The following GREB1L variants were observed in gnomAD, a reference collection of about 807,000 sequenced individuals.
The protein encoded by GREB1L is GREB1 like retinoic acid receptor coactivator.
In GREB1L, 17 loss-of-function variants were observed where a neutral mutation model predicts 200.8. The ratio of observed to expected loss-of-function variants is 0.08; its 90% CI spans 0.06 to 0.13. The LOEUF is 0.13. Ranked by LOEUF, GREB1L falls within the 10% of genes least tolerant of loss-of-function variation. The pLI, the probability that GREB1L is intolerant of heterozygous loss-of-function variation, is 1.00. For synonymous variants in GREB1L, 789 were observed against 893.0 expected (o/e 0.88, Z 2.08); for missense variants, 1,657 against 2,367.7 (o/e 0.70, Z 6.23).
chr18:21,281,418 C>T (rs2038267284), intron 1 of GREB1L, among the ~76,000 whole-genome samples: 1 of 152,084 alleles, frequency 6.6e-6, no homozygotes. Flanking sequence ...CTTTAAAAAC[C>T]TCTTTACTAT....
chr18:21,273,047 C>T (rs1598620523), intron 1 of GREB1L, among the ~76,000 whole-genome samples: 1 of 151,940 alleles, frequency 6.6e-6, no homozygotes, highest in African/African-American at 2.4e-5. Context: ...GCCAACATGG[C>T]GAAACCCCAT....
At chr18:21,290,543 C>T (rs2038430735) in intron 1 of GREB1L, among the ~76,000 whole-genome samples, 1 of 152,184 alleles carries the variant, frequency 6.6e-6, no homozygotes, top group Non-Finnish European at 1.5e-5. Flanking sequence ...GACTATCTCA[C>T]CAGGTGCAGT....
chr18:21,524,276 C>T lies in GREB1L; in HGVS notation c.*1455C>T, dbSNP rs2037649245. 1 of 152,130 alleles carries T rather than the reference C, an allele frequency of 6.6e-6. No homozygotes were observed. Among genetic ancestry groups the T allele is most frequent in the Admixed American group, 6.6e-5 (1 of 15,260 alleles). The allele number at this position is 152,130 out of a possible 1,614,324, so 9.4% of individuals were successfully genotyped here. ...TTATCTTATGACAACAAGGAGTTTA[C>T]AAAGCTAGTGAAAAAATGGAATGTA... On this transcript the variant is annotated 3_prime_UTR_variant, in exon 33 of 33. Coordinates refer to ENST00000424526, the MANE Select transcript of GREB1L (RefSeq NM_001142966.3).
intron 1 of GREB1L, among the ~76,000 whole-genome samples, chr18:21,327,994 G>A (rs553455194): frequency 2.0e-4 from 30 of 152,256 alleles, no homozygotes; most frequent in African/African-American, 6.7e-4. Context: ...GATTACAGGC[G>A]TGAGCCACAG....
At chr18:21,343,323 A>G (rs1382282159) in intron 1 of GREB1L, among the ~76,000 whole-genome samples, 1 of 152,238 alleles carries the variant, frequency 6.6e-6, no homozygotes, top group African/African-American at 2.4e-5. Context: ...AGCAATAAAT[A>G]TAAAATGTTA....
At position 21,269,043 on chromosome 18, in the gene GREB1L, A is replaced by AC. The variant is rs553410694; in HGVS notation, c.-120+26654dup. Among the ~76,000 whole-genome samples the AC allele has an allele frequency of 7.4e-3, 1,134 of 152,250 alleles. 5 individuals are homozygous for AC. Among genetic ancestry groups the AC allele is most frequent in the Non-Finnish European group, 0.012 (827 of 68,006 alleles). On this transcript the variant is annotated intron_variant, in intron 1 of 32. Coordinates refer to ENST00000424526, the MANE Select transcript of GREB1L (RefSeq NM_001142966.3). Reference sequence around the variant, plus strand: ...TCCAGCACTAAAGAAGCCTTGCCATACCCCAGGAAAAGGGTTACTTTTCAT... The same window carrying AC: ...TCCAGCACTAAAGAAGCCTTGCCATACCCCCAGGAAAAGGGTTACTTTTCAT...
chr18:21,406,874 C>G (rs1028902596), intron 7 of GREB1L, among the ~76,000 whole-genome samples: 1 of 113,342 alleles, frequency 8.8e-6, no homozygotes, highest in Non-Finnish European at 1.7e-5. Context: ...ACATTTTCTT[C>G]CTTTTTTTTT....
At chr18:21,373,343 T>C (rs923138183) in intron 2 of GREB1L, among the ~76,000 whole-genome samples, 1 of 152,146 alleles carries the variant, frequency 6.6e-6, no homozygotes, top group African/African-American at 2.4e-5. Context: ...GCCCCCTGCC[T>C]CCTTTTTTTT....
At chr18:21,468,903 A>G (rs1269002985) in intron 15 of GREB1L, 1 of 416,626 alleles carries the variant, frequency 2.4e-6, no homozygotes, top group East Asian at 7.1e-5. Context: ...GTTTTTGGCA[A>G]GAAAACCACA....
chr18:21,311,152 C>T (rs1298450884), intron 1 of GREB1L, among the ~76,000 whole-genome samples: 13 of 152,138 alleles, frequency 8.5e-5, no homozygotes, highest in Admixed American at 7.2e-4. Flanking sequence ...AGGACTAAGC[C>T]GAAGTTACAC....
chr18:21,503,970 C>G (rs1244370818), intron 23 of GREB1L, among the ~76,000 whole-genome samples: 1 of 152,058 alleles, frequency 6.6e-6, no homozygotes, highest in Non-Finnish European at 1.5e-5. Context: ...GAGATAGACT[C>G]TTACTCTGTC....
chr18:21,337,316 T>A (rs1395736702), intron 1 of GREB1L, among the ~76,000 whole-genome samples: 5 of 152,196 alleles, frequency 3.3e-5, no homozygotes, highest in Admixed American at 1.3e-4. Context: ...ATTTTTTTTT[T>A]ATGTTTTATA....
intron 7 of GREB1L, among the ~76,000 whole-genome samples, chr18:21,426,478 C>A (rs1344918709): frequency 6.6e-6 from 1 of 152,188 alleles, no homozygotes; most frequent in Admixed American, 6.5e-5. Context: ...CTTGAATTTT[C>A]TTGGCACTGT....
At chr18:21,478,484 TAAAAC>T (rs781355962) in intron 17 of GREB1L, among the ~76,000 whole-genome samples, 4 of 152,336 alleles carry the variant, frequency 2.6e-5, no homozygotes, top group South Asian at 2.1e-4. Flanking sequence ...ATGTCTTACA[TAAAAC>T]TAACATTTAT....
intron 7 of GREB1L, among the ~76,000 whole-genome samples, chr18:21,438,595 G>C (rs974197103): frequency 1.3e-5 from 2 of 152,022 alleles, no homozygotes; most frequent in African/African-American, 4.8e-5. Context: ...TTCAAGCCTA[G>C]GAATTCAAAG....
intron 7 of GREB1L, among the ~76,000 whole-genome samples, chr18:21,423,933 C>T (rs1168917386): frequency 1.3e-5 from 2 of 152,218 alleles, no homozygotes; most frequent in Admixed American, 1.3e-4. Flanking sequence ...GATTGCCCTA[C>T]AAGCATTATA....
At chr18:21,425,476 C>G (rs2032492732) in intron 7 of GREB1L, among the ~76,000 whole-genome samples, 1 of 152,184 alleles carries the variant, frequency 6.6e-6, no homozygotes, top group Admixed American at 6.5e-5. Flanking sequence ...GAACTGTTTT[C>G]CAAAGTGGCA....
In GREB1L at chr18:21,515,583, G is replaced by A. The variant is rs1555663997; in HGVS notation, c.5068G>A (p.Val1690Met). Reference sequence around the variant, plus strand: ...AAAGGCCCCATTCTCTAGGTGTCACGTGCATGATTTCATTCTCCTCAACAC... The same window carrying A: ...AAAGGCCCCATTCTCTAGGTGTCACATGCATGATTTCATTCTCCTCAACAC... ...SLKAPFSRCH[V>M]HDFILLNTDL... is the part of the protein sequence containing the mutation. Residue 1690 changes from valine (V) to methionine (M), a missense_variant, in exon 29 of 33, where the codon GTG becomes ATG. Physicochemically the swap from Val to Met is conservative, Grantham distance 21. Around this residue, in one of 9 missense-constraint regions of GREB1L, gnomAD observed 151 missense variants for 309.6 expected, o/e 0.49. Coordinates refer to ENST00000424526, the MANE Select transcript of GREB1L (RefSeq NM_001142966.3). 1.3e-6 allele frequency: 2 copies of A among 1,551,710 alleles called. No individual in the cohort carries two copies. Among genetic ancestry groups the A allele is most frequent in the South Asian group, 1.2e-5 (1 of 84,066 alleles).
intron 5 of GREB1L, among the ~76,000 whole-genome samples, chr18:21,397,524 C>CAAAAA (rs10719044): frequency 1.9e-5 from 2 of 103,358 alleles, no homozygotes; most frequent in African/African-American, 6.8e-5. Flanking sequence ...GACTCCGTCT[C>CAAAAA]AAAAAAAAAA....
Sources: allele counts gnomAD v4.1 joint callset (sites outside exome capture counted in the v4.1 genomes callset), GRCh38; gene constraint gnomAD v4.1.1; regional missense constraint gnomAD v4.1.1; transcripts MANE v1.5; gene names NCBI Gene and HGNC (gene_info 2026-07-23, HGNC 2026-07-21).